The following FBN3 variants were observed in gnomAD, a reference collection of about 807,000 sequenced individuals.
FBN3 encodes fibrillin-3.
Under a neutral mutation model 330.1 loss-of-function variants are expected in FBN3, and 234 were observed. The observed-to-expected ratio is 0.71, with a 90% confidence interval of 0.64 to 0.79. The LOEUF (loss-of-function observed/expected upper bound fraction) is 0.79, where lower values mean the gene tolerates loss of function less well. Ranked by LOEUF, FBN3 falls within the 30% of genes least tolerant of loss-of-function variation. FBN3 has a pLI of 0.00. For synonymous variants in FBN3, 1,458 were observed against 1,517.3 expected, an observed-to-expected ratio of 0.96 and a Z score of 0.91; for missense variants, 3,606 against 3,886.9, an observed-to-expected ratio of 0.93 and a Z score of 1.92.
chr19:8,074,110 T>G (rs1176516061), intron 61 of FBN3, among the ~76,000 whole-genome samples: 2 of 152,058 alleles, frequency 1.3e-5, no homozygotes, highest in Non-Finnish European at 2.9e-5. Flanking sequence ...CAGAAATGGT[T>G]TTTCAGCTCA....
Position 8,129,435 on chromosome 19 carries a change from C to CA in FBN3, c.2045-71_2045-70insT. The stretch of plus-strand genomic sequence containing the variant: ...TGTCCGAGGCAGGAGGAGGGTGTGT[C>CA]GCGGCGCACCAGGGGTCTCTAGAAG... On this transcript the variant is annotated intron_variant, in intron 16 of 63. Coordinates refer to ENST00000600128, the MANE Select transcript of FBN3 (RefSeq NM_032447.5). This position sits in a 1 kb window ranked among gnomAD's most constrained non-coding sequence, Gnocchi z 4.5. The CA allele has an allele frequency of 6.3e-7, 1 of 1,583,234 alleles. No homozygotes were observed. The highest frequency in any genetic ancestry group is 8.6e-7 in the Non-Finnish European group (1 of 1,162,354).
chr19:8,089,690 C>T lies in FBN3; in HGVS notation c.6251-20G>A, dbSNP rs1295812986. Reference sequence around the variant, plus strand: ...TCACGTCTGCGGATGGCAGGCGTTGCAGACATGGCTTCTGTCACCACACAA... The same window carrying T: ...TCACGTCTGCGGATGGCAGGCGTTGTAGACATGGCTTCTGTCACCACACAA... On this transcript the variant is annotated intron_variant, in intron 50 of 63. Transcript: ENST00000600128. The T allele has an allele frequency of 1.9e-6, 3 of 1,613,026 alleles. No individual in the cohort carries two copies. The highest frequency in any genetic ancestry group is 1.7e-5 in the Admixed American group (1 of 59,944).
At position 8,138,561 on chromosome 19, in the gene FBN3, T is replaced by A. The variant is rs1568454172; in HGVS notation, c.869A>T (p.Tyr290Phe). ...LSDSSAACED[Y>F]RAGACFSVLF... ...CACTGAGAAGCAGGCGCCGGCCCGG[T>A]AGTCTGCAAAAGATCAGAGGGTGAG... The change falls in exon 9 of 64, where the codon TAC becomes TTC. Residue 290 changes from tyrosine (Y) to phenylalanine (F), a missense_variant. Transcript: ENST00000600128. 6.2e-7 allele frequency: 1 copy of A among 1,605,794 alleles called. No homozygotes were observed. Among genetic ancestry groups the A allele is most frequent in the Non-Finnish European group, 8.5e-7 (1 of 1,177,642 alleles).
chr19:8,127,270 A>C (rs1376100454), intron 18 of FBN3, among the ~76,000 whole-genome samples: 1 of 151,980 alleles, frequency 6.6e-6, no homozygotes, highest in Admixed American at 6.5e-5. Context: ...GATGTTGGCC[A>C]GGCTGGTCTC....
chr19:8,073,026 G>A, intron 62 of FBN3, 37 bp downstream of exon 62: 1 of 1,264,576 alleles, frequency 7.9e-7, no homozygotes, highest in South Asian at 1.3e-5. Context: ...GACGCTTGCG[G>A]GGCATGGAGT....
intron 62 of FBN3, 97 bp downstream of exon 62, chr19:8,072,966 C>CGTGTGTGT (rs60155490): frequency 0.034 from 21,480 of 639,348 alleles, 175 homozygotes; most frequent in Non-Finnish European, 0.038. Flanking sequence ...CACAAAGCCC[C>CGTGTGTGT]GTGTGTGTGT....
chr19:8,139,755 G>C (rs1002913714), intron 8 of FBN3, among the ~76,000 whole-genome samples: 1 of 151,874 alleles, frequency 6.6e-6, no homozygotes, highest in African/African-American at 2.4e-5. Flanking sequence ...TTTATGCAGC[G>C]ATCAGATTTC....
chr19:8,106,618 T>G (rs2082442992), intron 37 of FBN3, among the ~76,000 whole-genome samples: 1 of 150,052 alleles, frequency 6.7e-6, no homozygotes, highest in South Asian at 2.1e-4. Flanking sequence ...TATGAAACAG[T>G]GGATGGGTAA....
In FBN3 at chr19:8,131,954, T is replaced by A. The variant is rs1327090280; in HGVS notation, c.1715-125A>T. 5 of 1,158,284 alleles carry A rather than the reference T, an allele frequency of 4.3e-6. No homozygotes were observed. The African/African-American group carries it at 7.9e-5, about 18-fold the overall frequency. The allele number at this position is 1,158,284 out of a possible 1,614,324, so 71.8% of individuals were successfully genotyped here. On this transcript the variant is annotated intron_variant, in intron 14 of 63. Coordinates refer to ENST00000600128, the MANE Select transcript of FBN3 (RefSeq NM_032447.5). The surrounding 1 kb of genome is among the most constrained non-coding windows in gnomAD (Gnocchi z 4.5). ...TCTTTCCTTTCCAGTTTCTTGTCTT[T>A]CCAGTTTCCTGTTGTCTGTGTCTCT...
chr19:8,144,886 A>T lies in FBN3; in HGVS notation c.532T>A (p.Cys178Ser). The T allele has an allele frequency of 6.2e-7, 1 of 1,608,962 alleles. No individual in the cohort carries two copies. Among genetic ancestry groups the T allele is most frequent in the Non-Finnish European group, 8.5e-7 (1 of 1,178,390 alleles). ...ACVYGFMGPQ[C>S]ERDYRTGPCF... The stretch of plus-strand genomic sequence containing the variant: ...CGCGCATGCTTGGTACCTCTCTCAC[A>T]TTGAGGTCCCATGAAGCCATACACA... Residue 178 changes from cysteine to serine, a missense_variant, in exon 6 of 64, where the codon TGT (cysteine) becomes AGT (serine). Coordinates refer to ENST00000600128, the MANE Select transcript of FBN3 (RefSeq NM_032447.5).
intron 63 of FBN3, among the ~76,000 whole-genome samples, chr19:8,068,322 C>T (rs965107156): frequency 3.3e-5 from 5 of 149,810 alleles, no homozygotes; most frequent in African/African-American, 9.9e-5. Flanking sequence ...ACCCAGGAGG[C>T]GGAGCTTGCA....
intron 13 of FBN3, 26 bp downstream of exon 13, chr19:8,135,935 T>TGGGGGGGGGGGGGGGGGC: frequency 3.0e-6 from 4 of 1,344,154 alleles, no homozygotes; most frequent in Non-Finnish European, 4.0e-6. Flanking sequence ...CGGAAGCCCC[T>TGGGGGGGGGGGGGGGGGC]GCCCACCCGC....
At chr19:8,110,310 C>G (rs2082547961) in intron 34 of FBN3, among the ~76,000 whole-genome samples, 2 of 152,196 alleles carry the variant, frequency 1.3e-5, no homozygotes, top group African/African-American at 4.8e-5. Context: ...CCTCCCACCT[C>G]AGCCTCCCAA....
chr19:8,082,482 CTTCCTTCCCTTTCTTTCTCT>C (rs1383628047), intron 57 of FBN3, among the ~76,000 whole-genome samples: 5 of 37,326 alleles, frequency 1.3e-4, no homozygotes, highest in Admixed American at 3.2e-4. Context: ...TCCTTCCTTC[CTTCCTTCCCTTTCTTTCTCT>C]CTTTCTTTCT....
chr19:8,145,333 C>T (rs570539742), intron 5 of FBN3, among the ~76,000 whole-genome samples: 2 of 142,272 alleles, frequency 1.4e-5, no homozygotes, highest in East Asian at 4.3e-4. Context: ...GAGATGGTGC[C>T]ACTGCATTCC....
At chr19:8,112,959 T>C (rs977234101) in intron 30 of FBN3, among the ~76,000 whole-genome samples, 1 of 152,224 alleles carries the variant, frequency 6.6e-6, no homozygotes, top group African/African-American at 2.4e-5. Flanking sequence ...AAAATAACCA[T>C]GTAACTGGAG....
chr19:8,147,318 G>T lies in FBN3; in HGVS notation c.163C>A (p.Gln55Lys). The T allele has an allele frequency of 6.3e-7, 1 of 1,596,116 alleles. No individual in the cohort carries two copies. Among genetic ancestry groups the T allele is most frequent in the Non-Finnish European group, 8.5e-7 (1 of 1,173,428 alleles). Residue 55 changes from glutamine (Q) to lysine (K), a missense_variant, in exon 2 of 64, where the codon CAG becomes AAG. By Grantham distance (53) the Gln-to-Lys change is moderately conservative (BLOSUM62 1). Transcript: ENST00000600128. ...VRRRGSPGIL[Q>K]GPNVCGSRFH... ...AGCATCCCAGGTACCACGCACCCCT[G>T]CAAGATGCCTGGGCTGCCCCGCCTC...
At chr19:8,137,296 G>A (rs533283345) in intron 10 of FBN3, among the ~76,000 whole-genome samples, 27 of 146,028 alleles carry the variant, frequency 1.8e-4, no homozygotes, top group Non-Finnish European at 3.7e-4. Flanking sequence ...CCTCCAACCT[G>A]GGCCCTAGAT....
At chr19:8,128,891 T>G in intron 18 of FBN3, 137 bp downstream of exon 18, 1 of 1,025,816 alleles carries the variant, frequency 9.7e-7, no homozygotes, top group East Asian at 2.6e-5. Context: ...GCACACTACA[T>G]ATAGCATGCG....
Sources: gnomAD v4.1 joint callset for allele counts (sites outside exome capture counted in the v4.1 genomes callset) on GRCh38, gnomAD v4.1.1 for gene constraint, Gnocchi (gnomAD v3.1) non-coding constraint, MANE v1.5 for transcripts, NCBI Gene and HGNC (gene_info 2026-07-23, HGNC 2026-07-21) for gene names.